Variants in MYO5C observed in about 807,000 individuals in gnomAD.
The protein encoded by MYO5C is unconventional myosin-Vc.
A neutral mutation model predicts 235.7 loss-of-function variants in MYO5C; 194 were observed. That is an observed-to-expected ratio of 0.82 (90% CI 0.73 to 0.93). The LOEUF is 0.93. MYO5C is among the 40% of genes least tolerant of loss of function. MYO5C has a pLI of 0.00. For synonymous variants in MYO5C, 707 were observed against 754.8 expected (o/e 0.94, Z 1.04); for missense variants, 2,038 against 2,127.2 (o/e 0.96, Z 0.82).
chr15:52,242,326 C>A, intron 19 of MYO5C, 113 bp from the exon 20 acceptor site: 2 of 1,141,954 alleles, frequency 1.8e-6, no homozygotes, highest in Non-Finnish European at 2.5e-6. Flanking sequence ...ATATTTTACA[C>A]CTCTCCACAT....
chr15:52,295,617 T>C lies in MYO5C; in HGVS notation c.20A>G (p.Tyr7Cys). 1 of 1,490,866 alleles carries C rather than the reference T, an allele frequency of 6.7e-7. No homozygotes were observed. The highest frequency in any genetic ancestry group is 8.9e-7 in the Non-Finnish European group (1 of 1,122,946). 92.4% of individuals were successfully genotyped at this position (1,490,866 alleles called of 1,614,324 possible). The change falls in exon 1 of 41, where the codon TAC becomes TGC. Residue 7 changes from tyrosine (Y) to cysteine (C), a missense_variant. By Grantham distance (194) the Tyr-to-Cys change is radical. Coordinates refer to ENST00000261839, the MANE Select transcript of MYO5C (RefSeq NM_018728.4). Reference protein sequence around the residue: MAVAELYTQYNRVWIPD... With the variant: MAVAELCTQYNRVWIPD... ...CCCAGCGGACCCTCCTACCTGCGTGTACAGCTCGGCCACCGCCATGGGCAG... is the reference window on the plus strand; with the variant it reads ...CCCAGCGGACCCTCCTACCTGCGTGCACAGCTCGGCCACCGCCATGGGCAG...
At chr15:52,262,929 G>T (rs1441674618) in intron 9 of MYO5C, among the ~76,000 whole-genome samples, 1 of 152,216 alleles carries the variant, frequency 6.6e-6, no homozygotes, top group Non-Finnish European at 1.5e-5. Flanking sequence ...GGTAATCAGG[G>T]TTGGCTAAAG....
chr15:52,228,275 C>A (rs1382760464), intron 25 of MYO5C, among the ~76,000 whole-genome samples: 1 of 152,098 alleles, frequency 6.6e-6, no homozygotes, highest in Non-Finnish European at 1.5e-5. Context: ...TCCTGAGTAG[C>A]TGGGATTACA....
chr15:52,241,948 G>A (rs2036234257), intron 20 of MYO5C, 100 bp downstream of exon 20: 3 of 1,314,324 alleles, frequency 2.3e-6, no homozygotes, highest in Non-Finnish European at 3.1e-6. Flanking sequence ...TTTGTACAAA[G>A]TGAGGTTGCC....
intron 22 of MYO5C, among the ~76,000 whole-genome samples, chr15:52,236,545 G>A (rs1000002361): frequency 7.9e-5 from 12 of 152,164 alleles, no homozygotes; most frequent in African/African-American, 2.4e-4. Flanking sequence ...GCGTCATGGC[G>A]CATGCCTGTA....
rs769221504 is a variant in MYO5C, at chr15:52,245,924, T to C, written c.2066+32A>G. 6.3e-6 allele frequency: 10 copies of C among 1,592,546 alleles called. No homozygotes were observed. In the East Asian group the frequency reaches 1.8e-4, roughly 28 times the overall value. On this transcript the variant is annotated intron_variant, in intron 17 of 40. Transcript: ENST00000261839. ...TCAGCATAGCTCTGATGTCAGGTACTTTTCCCTCCAAGACAAGGACGGACA... is the reference window on the plus strand; with the variant it reads ...TCAGCATAGCTCTGATGTCAGGTACCTTTCCCTCCAAGACAAGGACGGACA...
chr15:52,256,214 A>C (rs976334428), intron 11 of MYO5C, among the ~76,000 whole-genome samples: 2 of 152,144 alleles, frequency 1.3e-5, no homozygotes, highest in Admixed American at 1.3e-4. Flanking sequence ...CTCTCAGGGA[A>C]GCTGGATCTC....
chr15:52,257,195 C>G (rs2036602101), intron 10 of MYO5C, among the ~76,000 whole-genome samples: 1 of 152,242 alleles, frequency 6.6e-6, no homozygotes, highest in African/African-American at 2.4e-5. Context: ...AGGAGCAGCA[C>G]AACTGCAGCA....
At chr15:52,285,883 G>A (rs1356683111) in intron 1 of MYO5C, among the ~76,000 whole-genome samples, 1 of 152,204 alleles carries the variant, frequency 6.6e-6, no homozygotes, top group African/African-American at 2.4e-5. Flanking sequence ...CCTCTGCCCG[G>A]CCGCCACCCC....
chr15:52,268,578 A>T (rs1487288621), intron 8 of MYO5C, among the ~76,000 whole-genome samples: 1 of 152,214 alleles, frequency 6.6e-6, no homozygotes, highest in African/African-American at 2.4e-5. Context: ...AAAAAAAAGA[A>T]AGAAATGGCC....
At chr15:52,223,747 A>G (rs1040756991) in intron 28 of MYO5C, 23 bp from the exon 29 acceptor site, 5 of 1,603,072 alleles carry the variant, frequency 3.1e-6, no homozygotes, top group Admixed American at 1.7e-5. Flanking sequence ...GGGTCAAGAA[A>G]TAAACCACAT....
At chr15:52,207,868 T>C (rs1229788511) in intron 36 of MYO5C, among the ~76,000 whole-genome samples, 3 of 152,216 alleles carry the variant, frequency 2.0e-5, no homozygotes, top group Non-Finnish European at 1.5e-5. Context: ...AATAAACATA[T>C]AAAATTATGC....
intron 34 of MYO5C, among the ~76,000 whole-genome samples, chr15:52,212,812 C>A (rs1308824631): frequency 5.3e-5 from 8 of 152,170 alleles, no homozygotes; most frequent in African/African-American, 1.9e-4. Context: ...TGTGCTGAGA[C>A]ACAAAAATGA....
intron 40 of MYO5C, among the ~76,000 whole-genome samples, chr15:52,195,135 A>G (rs1336015652): frequency 6.6e-6 from 1 of 152,150 alleles, no homozygotes; most frequent in Non-Finnish European, 1.5e-5. Flanking sequence ...AATAAGATAT[A>G]TTGACAGAAT....
chr15:52,295,661 CG>C lies in MYO5C; in HGVS notation c.-26del. 1 of 1,417,930 alleles carries C rather than the reference CG, an allele frequency of 7.1e-7. No homozygotes were observed. Among genetic ancestry groups the C allele is most frequent in the South Asian group, 1.5e-5 (1 of 66,938 alleles). The allele number at this position is 1,417,930 out of a possible 1,614,324, so 87.8% of individuals were successfully genotyped here. ...TGGGCAGGAGGGGCCGGGGCCAGGC[CG>C]GGGCTGCCGAACGTGCGAGGCTCGG... On this transcript the variant is annotated 5_prime_UTR_variant, in exon 1 of 41. Coordinates refer to ENST00000261839, the MANE Select transcript of MYO5C (RefSeq NM_018728.4).
intron 38 of MYO5C, among the ~76,000 whole-genome samples, chr15:52,203,840 A>G (rs1205525575): frequency 6.6e-6 from 1 of 151,896 alleles, no homozygotes; most frequent in East Asian, 1.9e-4. Context: ...TATGAATTCA[A>G]TTGTTTTAAT....
At chr15:52,253,599 G>A in intron 11 of MYO5C, 142 bp from the exon 12 acceptor site, 3 of 778,910 alleles carry the variant, frequency 3.9e-6, no homozygotes, top group Non-Finnish European at 6.1e-6. Flanking sequence ...GTATAGACAA[G>A]GCCCATACCG....
At chr15:52,233,660 C>A (rs1336463010) in intron 23 of MYO5C, among the ~76,000 whole-genome samples, 1 of 152,232 alleles carries the variant, frequency 6.6e-6, no homozygotes, top group South Asian at 2.1e-4. Context: ...GCTGTTAACA[C>A]TGAAATACAA....
rs911487488 is a variant in MYO5C at position 52,195,591 on chromosome 15, T to C, written c.4996-134A>G. The C allele has an allele frequency of 4.0e-5, 20 of 495,484 alleles. No individual in the cohort carries two copies. The Admixed American group carries it at 8.3e-4, about 21-fold the overall frequency. 30.7% of individuals were successfully genotyped at this position (495,484 alleles called of 1,614,324 possible). A position where few individuals can be genotyped will look rare whatever the true frequency, so the allele number is the denominator to read the frequency against. On this transcript the variant is annotated intron_variant, in intron 39 of 40. Coordinates refer to ENST00000261839, the MANE Select transcript of MYO5C (RefSeq NM_018728.4). Reference sequence around the variant, plus strand: ...AGCCTATAATTTGGTTCAGGAACTGTATGTTACCTATTTCCAAGAAAAGAA... The same window carrying C: ...AGCCTATAATTTGGTTCAGGAACTGCATGTTACCTATTTCCAAGAAAAGAA...
Sources: allele counts gnomAD v4.1 joint callset (sites outside exome capture counted in the v4.1 genomes callset), GRCh38; gene constraint gnomAD v4.1.1; transcripts MANE v1.5; gene names NCBI Gene and HGNC (gene_info 2026-07-23, HGNC 2026-07-21).